The following RAB39A variants were observed in gnomAD, a reference collection of about 807,000 sequenced individuals.
The protein encoded by RAB39A is ras-related protein Rab-39A.
RAB39A carries 17 observed loss-of-function variants against 20.9 expected under a neutral mutation model. The ratio of observed to expected loss-of-function variants is 0.81; its 90% CI spans 0.56 to 1.22. The LOEUF (loss-of-function observed/expected upper bound fraction) is 1.22. RAB39A is among the 50% of genes most tolerant of loss of function. The pLI is 0.00. For missense variants in RAB39A, 234 were observed against 270.5 expected, an observed-to-expected ratio of 0.87 and a Z score of 0.95; for synonymous variants, 99 against 103.4, an observed-to-expected ratio of 0.96 and a Z score of 0.26.
At chr11:107,935,811 A>G (rs1330686126) in intron 1 of RAB39A, among the ~76,000 whole-genome samples, 1 of 151,926 alleles carries the variant, frequency 6.6e-6, no homozygotes, top group Non-Finnish European at 1.5e-5. Context: ...TGTTTAGTAA[A>G]CATTATTAAT....
intron 1 of RAB39A, among the ~76,000 whole-genome samples, chr11:107,938,931 T>C (rs1861229770): frequency 6.6e-6 from 1 of 152,058 alleles, no homozygotes; most frequent in South Asian, 2.1e-4. Flanking sequence ...ACCTCAGTGT[T>C]GCATTAGTCT....
At position 107,961,437 on chromosome 11, in the gene RAB39A, C is replaced by T. The variant is rs961298635; in HGVS notation, c.228-509C>T. ...CCTCCTCCTAATCCTAATACCACCA[C>T]ATTAGGGTTAGCATTTCAACATAAG... On this transcript the variant is annotated intron_variant, in intron 1 of 1. Transcript: ENST00000320578. Among the ~76,000 whole-genome samples, 6 of 152,308 alleles carry T rather than the reference C, an allele frequency of 3.9e-5. No homozygotes were observed. The East Asian group carries it at 1.2e-3, about 29-fold the overall frequency.
intron 1 of RAB39A, among the ~76,000 whole-genome samples, chr11:107,949,061 C>G (rs1158383439): frequency 6.6e-6 from 1 of 152,174 alleles, no homozygotes; most frequent in Non-Finnish European, 1.5e-5. Context: ...TGGCTCACAC[C>G]TGTAATCCTA....
At chr11:107,951,242 C>G (rs1361110432) in intron 1 of RAB39A, among the ~76,000 whole-genome samples, 1 of 152,160 alleles carries the variant, frequency 6.6e-6, no homozygotes, top group Non-Finnish European at 1.5e-5. Context: ...GTGTTTTAGC[C>G]TCTTGAAAAC....
intron 1 of RAB39A, among the ~76,000 whole-genome samples, chr11:107,937,694 C>T (rs1861209952): frequency 6.6e-6 from 1 of 152,018 alleles, no homozygotes; most frequent in Non-Finnish European, 1.5e-5. Context: ...TGCCACCATG[C>T]CCAGCTAGGA....
Position 107,929,093 on chromosome 11 carries a change from CCT to C in RAB39A, c.227+299_227+300del, listed in dbSNP as rs1861112578. 3.3e-5 allele frequency among the ~76,000 whole-genome samples: 5 copies of C among 152,294 alleles called. No homozygotes were observed. The East Asian group carries it at 9.6e-4, about 29-fold the overall frequency. On this transcript the variant is annotated intron_variant, in intron 1 of 1. Transcript: ENST00000320578. ...CCCCTCTTCCCCAACTCTTTCAGCC[CCT>C]GTGGGTATTTTTATCCCCTCCGGCT...
In RAB39A at chr11:107,962,294, G is replaced by A. The variant is rs752948052; in HGVS notation, c.576G>A (p.Gly192=). 27 of 1,613,660 alleles carry A rather than the reference G, an allele frequency of 1.7e-5. No homozygotes were observed. Among genetic ancestry groups the A allele is most frequent in the East Asian group, 2.2e-5 (1 of 44,872 alleles). Reference sequence around the variant, plus strand: ...TTTGTATTCAGGATGGCTGGGAAGGGGTTAAAAGTGGTTTTGTTCCAAATA... The same window carrying A: ...TTTGTATTCAGGATGGCTGGGAAGGAGTTAAAAGTGGTTTTGTTCCAAATA... ...GEICIQDGWE[G]VKSGFVPNTV... Residue 192 remains glycine, a synonymous_variant, in exon 2 of 2, where the codon GGG becomes GGA. Coordinates refer to ENST00000320578, the MANE Select transcript of RAB39A (RefSeq NM_017516.3).
At chr11:107,950,117 T>C (rs908736939) in intron 1 of RAB39A, among the ~76,000 whole-genome samples, 5 of 151,832 alleles carry the variant, frequency 3.3e-5, no homozygotes, top group Non-Finnish European at 7.4e-5. Flanking sequence ...GAGGCGGAAC[T>C]TGCAGTGAGC....
At position 107,950,269 on chromosome 11, in the gene RAB39A, T is replaced by C. The variant is rs148777776; in HGVS notation, c.228-11677T>C. Among the ~76,000 whole-genome samples, 428 of 152,332 alleles carry C rather than the reference T, an allele frequency of 2.8e-3. 1 individual carries two copies. Among genetic ancestry groups the C allele is most frequent in the African/African-American group, 9.8e-3 (408 of 41,582 alleles). On this transcript the variant is annotated intron_variant, in intron 1 of 1. Transcript: ENST00000320578. Reference sequence around the variant, plus strand: ...CAGCCCATTTCTCCCCTTTTGACTTTACAAATCCCTACTGTAAATATTGAA... The same window carrying C: ...CAGCCCATTTCTCCCCTTTTGACTTCACAAATCCCTACTGTAAATATTGAA...
chr11:107,938,359 C>CAA (rs58613355), intron 1 of RAB39A, among the ~76,000 whole-genome samples: 786 of 63,000 alleles, frequency 0.012, 17 homozygotes, highest in African/African-American at 0.038. Context: ...GACTCCGTCT[C>CAA]AAAAAAAAAA....
At chr11:107,932,242 G>C (rs1034190059) in intron 1 of RAB39A, among the ~76,000 whole-genome samples, 22 of 152,152 alleles carry the variant, frequency 1.4e-4, no homozygotes, top group Non-Finnish European at 2.1e-4. Context: ...CAAAATCCAA[G>C]TGAAAAAGAT....
chr11:107,960,662 A>G (rs2134976690), intron 1 of RAB39A, among the ~76,000 whole-genome samples: 1 of 152,342 alleles, frequency 6.6e-6, no homozygotes, highest in South Asian at 2.1e-4. Context: ...AGGATGGTGA[A>G]GCATTCAGAG....
chr11:107,942,723 TC>T (rs1861272146), intron 1 of RAB39A, among the ~76,000 whole-genome samples: 1 of 152,124 alleles, frequency 6.6e-6, no homozygotes, highest in Non-Finnish European at 1.5e-5. Flanking sequence ...CTGAACGTTT[TC>T]AGTGCTCTTC....
intron 1 of RAB39A, among the ~76,000 whole-genome samples, chr11:107,940,273 T>A (rs1691348443): frequency 6.6e-6 from 1 of 150,624 alleles, no homozygotes; most frequent in South Asian, 2.1e-4. Flanking sequence ...TTATTATTAT[T>A]ATTTTTTTTT....
In RAB39A at chr11:107,928,801, G is replaced by A; in HGVS notation, c.227+6G>A. ...GCGGGACAGGAGCGGTTCAGGTAGG[G>A]ACCCCGGGGACCTTGGGCACCGCGC... On this transcript the variant is annotated splice_donor_region_variant and intron_variant, in intron 1 of 1. Transcript: ENST00000320578. This position sits in a 1 kb window ranked among gnomAD's most constrained non-coding sequence, Gnocchi z 4.9. 1 of 1,521,614 alleles carries A rather than the reference G, an allele frequency of 6.6e-7. No individual in the cohort carries two copies. 94.3% of individuals were successfully genotyped at this position (1,521,614 alleles called of 1,614,324 possible).
intron 1 of RAB39A, among the ~76,000 whole-genome samples, chr11:107,942,832 G>C (rs1163407954): frequency 6.6e-6 from 1 of 152,030 alleles, no homozygotes; most frequent in African/African-American, 2.4e-5. Context: ...GGGCAAGCTA[G>C]AATTTTGTAT....
At chr11:107,939,222 C>T (rs1438664103) in intron 1 of RAB39A, among the ~76,000 whole-genome samples, 5 of 124,280 alleles carry the variant, frequency 4.0e-5, no homozygotes, top group South Asian at 2.5e-4. Context: ...CCAGCCTGGG[C>T]GGCAAAGCGA....
At chr11:107,946,325 T>TAC (rs57242917) in intron 1 of RAB39A, among the ~76,000 whole-genome samples, 3 of 87,270 alleles carry the variant, frequency 3.4e-5, no homozygotes, top group African/African-American at 7.4e-5. Context: ...TATATATATA[T>TAC]ACACACACAC....
intron 1 of RAB39A, among the ~76,000 whole-genome samples, chr11:107,940,231 C>A: frequency 6.6e-6 from 1 of 151,776 alleles, no homozygotes; most frequent in East Asian, 1.9e-4. Flanking sequence ...GGAATATCAT[C>A]GGATATAATT....
Sources: allele counts gnomAD v4.1 joint callset (sites outside exome capture counted in the v4.1 genomes callset), GRCh38; gene constraint gnomAD v4.1.1; non-coding constraint Gnocchi (gnomAD v3.1); transcripts MANE v1.5; gene names NCBI Gene and HGNC (gene_info 2026-07-23, HGNC 2026-07-21).